The following TUBGCP2 variants were observed in gnomAD, a reference collection of about 807,000 sequenced individuals.
The protein encoded by TUBGCP2 is gamma-tubulin complex component 2.
Under a neutral mutation model 92.2 loss-of-function variants are expected in TUBGCP2, and 55 were observed. That is an observed-to-expected ratio of 0.60 (90% CI 0.48 to 0.75). The LOEUF (loss-of-function observed/expected upper bound fraction) is 0.75, where lower values mean the gene tolerates loss of function less well. TUBGCP2 is among the 30% of genes least tolerant of loss of function. TUBGCP2 has a pLI of 0.00. For synonymous variants in TUBGCP2, 533 were observed against 505.2 expected (o/e 1.06, Z -0.74); for missense variants, 1,093 against 1,188.9 (o/e 0.92, Z 1.19).
intron 15 of TUBGCP2, 119 bp downstream of exon 15, chr10:133,282,959 G>A: frequency 7.3e-7 from 1 of 1,372,596 alleles, no homozygotes; most frequent in Non-Finnish European, 9.9e-7. Context: ...TCAGATCCCA[G>A]CGGCTCCTCC....
At chr10:133,282,401 G>A in intron 15 of TUBGCP2, 59 bp from the exon 16 acceptor site, 1 of 1,525,908 alleles carries the variant, frequency 6.6e-7, no homozygotes, top group Non-Finnish European at 8.8e-7. Flanking sequence ...ATGCTTTGCA[G>A]AAAAAACAAG....
At chr10:133,298,195 ATCT>A in intron 4 of TUBGCP2, 84 bp from the exon 5 acceptor site, 3 of 1,427,094 alleles carry the variant, frequency 2.1e-6, no homozygotes, top group Non-Finnish European at 2.9e-6. Flanking sequence ...AGAAGCTAGC[ATCT>A]ACGGCAAAGA....
intron 15 of TUBGCP2, 118 bp downstream of exon 15, chr10:133,282,960 C>T (rs566111189): frequency 6.9e-5 from 95 of 1,367,950 alleles, no homozygotes; most frequent in South Asian, 5.7e-4. Context: ...CAGATCCCAG[C>T]GGCTCCTCCA....
intron 16 of TUBGCP2, 127 bp from the exon 17 acceptor site, chr10:133,281,563 A>G (rs907744080): frequency 8.1e-7 from 1 of 1,240,536 alleles, no homozygotes; most frequent in South Asian, 1.5e-5. Flanking sequence ...CATGGGTTCC[A>G]TGATGTTTTC....
At chr10:133,291,254 GTCCCTCCGTGTCCCCCAT>G (rs1847285418) in intron 8 of TUBGCP2, among the ~76,000 whole-genome samples, 1 of 65,506 alleles carries the variant, frequency 1.5e-5, no homozygotes, top group Non-Finnish European at 2.4e-5. Context: ...TGTCCCCCAT[GTCCCTCCGTGTCCCCCAT>G]GTCCCTCCGT....
At chr10:133,300,729 G>A (rs1043697349) in intron 2 of TUBGCP2, among the ~76,000 whole-genome samples, 3 of 152,012 alleles carry the variant, frequency 2.0e-5, no homozygotes, top group South Asian at 2.1e-4. Context: ...CACCTGCCTC[G>A]TCCCAAAGTG....
upstream of TUBGCP2, chr10:133,309,759 G>A: frequency 5.0e-6 from 8 of 1,612,084 alleles, no homozygotes; most frequent in Non-Finnish European, 5.9e-6. Context: ...GGCTCCTGAA[G>A]CACGTCTCCT....
chr10:133,281,643 G>T, intron 16 of TUBGCP2: 1 of 652,872 alleles, frequency 1.5e-6, no homozygotes, highest in Non-Finnish European at 2.5e-6. Flanking sequence ...AACACTCCAG[G>T]CCTCGTGGGA....
rs1373706955 is a variant in TUBGCP2 at position 133,279,521 on chromosome 10, A to T, written c.*245T>A. On this transcript the variant is annotated 3_prime_UTR_variant, in exon 18 of 18. Coordinates refer to ENST00000252936, the MANE Select transcript of TUBGCP2 (RefSeq NM_006659.4). ...CCACTTTGAGGCCAAAAACACCCAA[A>T]AAGGTGATAGTGTAATTTCAAAAAG... 5.4e-6 allele frequency: 3 copies of T among 560,174 alleles called. No homozygotes were observed. The East Asian group carries it at 1.1e-4, about 20-fold the overall frequency. The allele number at this position is 560,174 out of a possible 1,614,324, so 34.7% of individuals were successfully genotyped here.
chr10:133,289,545 T>G (rs527391656), intron 9 of TUBGCP2, among the ~76,000 whole-genome samples: 484 of 152,114 alleles, frequency 3.2e-3, no homozygotes, highest in African/African-American at 0.011. Flanking sequence ...GAAACAGAAA[T>G]AGAGAAGGCA....
rs779881231 is a variant in TUBGCP2 at position 133,293,725 on chromosome 10, G to A, written c.661C>T (p.Leu221=). ...TCCACGCCCACCAGCACGTACAGCA[G>A]GTCCTCCACCACGGCCGACTCCTGC... The part of the protein sequence containing the change: ...ASQESAVVED[L]LYVLVGVDGR... The change falls in exon 6 of 18, where the codon CTG becomes TTG. Residue 221 remains leucine (L), a synonymous_variant. Transcript: ENST00000252936. 2 of 1,604,448 alleles carry A rather than the reference G, an allele frequency of 1.2e-6. No individual in the cohort carries two copies. Among genetic ancestry groups the A allele is most frequent in the East Asian group, 2.2e-5 (1 of 44,510 alleles).
At chr10:133,293,914 AC>A in intron 5 of TUBGCP2, 145 bp from the exon 6 acceptor site, 1 of 862,728 alleles carries the variant, frequency 1.2e-6, no homozygotes, top group Non-Finnish European at 1.8e-6. Context: ...GCTTTGACTG[AC>A]CCCACTGGGG....
chr10:133,284,841 G>A (rs3008333), intron 13 of TUBGCP2, among the ~76,000 whole-genome samples: 134,645 of 152,320 alleles, frequency 0.88, 59,612 homozygotes, highest in East Asian at 0.94. Context: ...AGGCTCCAGA[G>A]AGGGCTGAGG....
At chr10:133,294,743 G>A (rs1156287388) in intron 5 of TUBGCP2, among the ~76,000 whole-genome samples, 1 of 151,928 alleles carries the variant, frequency 6.6e-6, no homozygotes, top group Non-Finnish European at 1.5e-5. Context: ...AGTCTCCCTC[G>A]GAGCTGGGAC....
At chr10:133,310,642 G>A (rs1376683027), upstream of TUBGCP2, 15 of 311,794 alleles carry the variant, frequency 4.8e-5, no homozygotes, top group East Asian at 1.2e-3. Context: ...CACCCCTCGG[G>A]GCCGTGTCTG....
At chr10:133,308,997 G>A, upstream of TUBGCP2, 2 of 1,247,452 alleles carry the variant, frequency 1.6e-6, no homozygotes, top group Non-Finnish European at 2.0e-6. Flanking sequence ...CCGGGGCGGC[G>A]GAGCCGCTGC....
At position 133,288,247 on chromosome 10, in the gene TUBGCP2, G is replaced by A. The variant is rs1400757650; in HGVS notation, c.1604C>T (p.Ala535Val). The change falls in exon 11 of 18, where the codon GCG becomes GTG. Residue 535 changes from alanine (A) to valine (V), a missense_variant. By Grantham distance (64) the Ala-to-Val change is moderately conservative. Around this residue, in one of 3 missense-constraint regions of TUBGCP2, gnomAD observed 598 missense variants for 675.5 expected, o/e 0.89. Coordinates refer to ENST00000252936, the MANE Select transcript of TUBGCP2 (RefSeq NM_006659.4). ...CACCGGCTTCCGGAGCTCCTCCTCCGCGAGGTCCATGAAGTGCACGAAGAA... is the reference window on the plus strand; with the variant it reads ...CACCGGCTTCCGGAGCTCCTCCTCCACGAGGTCCATGAAGTGCACGAAGAA... Reference protein sequence around the residue: ...GDFFVHFMDLAEEELRKPVED... With the variant: ...GDFFVHFMDLVEEELRKPVED... 4.3e-6 allele frequency: 7 copies of A among 1,613,726 alleles called. No individual in the cohort carries two copies. The highest frequency in any genetic ancestry group is 2.2e-5 in the East Asian group (1 of 44,878).
chr10:133,309,605 G>A, upstream of TUBGCP2: 2 of 1,270,454 alleles, frequency 1.6e-6, no homozygotes, highest in South Asian at 1.3e-5. Context: ...TGGCGTGGCC[G>A]ACTCTTCCAC....
Position 133,282,232 on chromosome 10 carries a change from G to A in TUBGCP2, c.2400C>T (p.Leu800=), listed in dbSNP as rs555452407. 2.8e-5 allele frequency: 45 copies of A among 1,611,740 alleles called. No homozygotes were observed. Among genetic ancestry groups the A allele is most frequent in the Admixed American group, 1.3e-4 (8 of 59,962 alleles). The change falls in exon 16 of 18, where the codon CTC becomes CTT. Residue 800 remains leucine, a synonymous_variant. Transcript: ENST00000252936. ...CCTGGAGGCCACGCACCTTCCTGGC[G>A]AGCTCCTTCCGGGCCCGCTCCTCGG... is the stretch of plus-strand genomic sequence containing the variant. ...AGAEERARKE[L]ARKHLAEHAD...
Sources: allele counts gnomAD v4.1 joint callset (sites outside exome capture counted in the v4.1 genomes callset), GRCh38; gene constraint gnomAD v4.1.1; regional missense constraint gnomAD v4.1.1; transcripts MANE v1.5; gene names NCBI Gene and HGNC (gene_info 2026-07-23, HGNC 2026-07-21).